The following KATNIP variants were observed in gnomAD, a reference collection of about 807,000 sequenced individuals.
The protein encoded by KATNIP is katanin-interacting protein.
Under a neutral mutation model 174.0 loss-of-function variants are expected in KATNIP, and 126 were observed. The ratio of observed to expected loss-of-function variants is 0.72; its 90% CI spans 0.63 to 0.84. KATNIP has a LOEUF of 0.84. Among genes scored for constraint, KATNIP ranks in the 40% least tolerant of loss-of-function variants. The pLI is 0.00. For synonymous variants in KATNIP, 810 were observed against 835.7 expected, an observed-to-expected ratio of 0.97 and a Z score of 0.53; for missense variants, 1,958 against 2,109.7, an observed-to-expected ratio of 0.93 and a Z score of 1.41.
rs747739365 is a variant in KATNIP, at chr16:27,740,715, A to G, written c.2418A>G (p.Lys806=). ...CTGGAGAGACCGAGGCCAGGGATAAAGGCCTACGGCATGAGCCAGGGTGGG... is the reference window on the plus strand; with the variant it reads ...CTGGAGAGACCGAGGCCAGGGATAAGGGCCTACGGCATGAGCCAGGGTGGG... ...EGPGETEARD[K]GLRHEPGWGT... The change falls in exon 15 of 28, where the codon AAA becomes AAG. Residue 806 remains lysine, a synonymous_variant. Coordinates refer to ENST00000261588, the MANE Select transcript of KATNIP (RefSeq NM_015202.5). The G allele has an allele frequency of 1.2e-6, 2 of 1,614,026 alleles. No individual in the cohort carries two copies. Among genetic ancestry groups the G allele is most frequent in the African/African-American group, 2.7e-5 (2 of 74,928 alleles).
intron 1 of KATNIP, among the ~76,000 whole-genome samples, chr16:27,555,489 C>G (rs1416008428): frequency 4.6e-5 from 7 of 152,162 alleles, no homozygotes; most frequent in Non-Finnish European, 7.4e-5. Context: ...GATAATGAAG[C>G]CTACCTTGTT....
intron 12 of KATNIP, among the ~76,000 whole-genome samples, chr16:27,706,431 A>G (rs1344691586): frequency 6.6e-6 from 1 of 152,150 alleles, no homozygotes; most frequent in Non-Finnish European, 1.5e-5. Flanking sequence ...CAGTTCCCCT[A>G]TGCTTTATGG....
At chr16:27,609,119 T>C (rs2075809262) in intron 2 of KATNIP, among the ~76,000 whole-genome samples, 1 of 152,112 alleles carries the variant, frequency 6.6e-6, no homozygotes, top group South Asian at 2.1e-4. Flanking sequence ...CTCAAATGTG[T>C]CCTCATGGAT....
At chr16:27,759,123 A>G (rs2081850990) in intron 18 of KATNIP, among the ~76,000 whole-genome samples, 2 of 152,224 alleles carry the variant, frequency 1.3e-5, no homozygotes, top group Admixed American at 6.5e-5. Flanking sequence ...AAAAACATTC[A>G]TTGAACATCT....
rs1233976375 is a variant in KATNIP, at chr16:27,749,791, G to C, written c.2831G>C (p.Gly944Ala). Residue 944 changes from glycine to alanine, a missense_variant, in exon 16 of 28, where the codon GGG (glycine) becomes GCG (alanine). Transcript: ENST00000261588. ...AGCGACTTGCCCCCCTCCAAGAAGGGGGAGCAGCCAGGGCTGTCGAGAGGG... is the reference window on the plus strand; with the variant it reads ...AGCGACTTGCCCCCCTCCAAGAAGGCGGAGCAGCCAGGGCTGTCGAGAGGG... ...RHSDLPPSKK[G>A]EQPGLSRGQD... 6.2e-7 allele frequency: 1 copy of C among 1,610,566 alleles called. No homozygotes were observed. Among genetic ancestry groups the C allele is most frequent in the South Asian group, 1.1e-5 (1 of 90,610 alleles).
At chr16:27,552,541 A>AT (rs1179257045) in intron 1 of KATNIP, among the ~76,000 whole-genome samples, 1 of 149,944 alleles carries the variant, frequency 6.7e-6, no homozygotes, top group Admixed American at 6.7e-5. Flanking sequence ...TGCCCAGCTA[A>AT]TTTTTTTTAT....
At chr16:27,763,412 G>A (rs2082016523) in intron 19 of KATNIP, among the ~76,000 whole-genome samples, 1 of 140,210 alleles carries the variant, frequency 7.1e-6, no homozygotes, top group South Asian at 2.3e-4. Flanking sequence ...TTCAAGACCA[G>A]CCTGGGCAAC....
At chr16:27,773,341 T>TAATA (rs1424507816) in intron 23 of KATNIP, 132 bp downstream of exon 23, 5 of 605,700 alleles carry the variant, frequency 8.3e-6, no homozygotes, top group Admixed American at 6.4e-5. Flanking sequence ...GCTTTGCTTA[T>TAATA]AGTCAGATGC....
intron 5 of KATNIP, among the ~76,000 whole-genome samples, chr16:27,634,372 C>G (rs933333708): frequency 1.3e-5 from 2 of 152,180 alleles, no homozygotes; most frequent in African/African-American, 4.8e-5. Flanking sequence ...CTTACGAAGT[C>G]CTTGGGCTAG....
Position 27,730,812 on chromosome 16 carries a change from C to A in KATNIP, c.1743+9117C>A, listed in dbSNP as rs571238288. ...TGATGTACAAACAGGCACCCCCGGC[C>A]AAGTCTGCCCTGCAATGTGTTCGGT... is the stretch of plus-strand genomic sequence containing the variant. On this transcript the variant is annotated intron_variant, in intron 14 of 27. Transcript: ENST00000261588. Among the ~76,000 whole-genome samples, 7 of 152,334 alleles carry A rather than the reference C, an allele frequency of 4.6e-5. No homozygotes were observed. In the South Asian group the frequency reaches 1.4e-3, roughly 32 times the overall value.
intron 8 of KATNIP, among the ~76,000 whole-genome samples, chr16:27,693,445 G>A (rs1325336521): frequency 2.0e-5 from 3 of 152,052 alleles, no homozygotes; most frequent in Non-Finnish European, 4.4e-5. Context: ...CTGGAGTGCC[G>A]TGGCATGATC....
intron 5 of KATNIP, among the ~76,000 whole-genome samples, chr16:27,635,052 C>T (rs974308978): frequency 2.1e-4 from 32 of 152,102 alleles, no homozygotes; most frequent in Non-Finnish European, 4.0e-4. Flanking sequence ...ACGCAGATCC[C>T]GTTCTTCTGT....
chr16:27,697,072 T>C (rs192766611), intron 8 of KATNIP, among the ~76,000 whole-genome samples: 1 of 152,314 alleles, frequency 6.6e-6, no homozygotes, highest in Admixed American at 6.5e-5. Context: ...GGCATTTAGG[T>C]TGATTCCATG....
rs1184958317 is a variant in KATNIP, at chr16:27,721,502, C to CTT, written c.1606-54_1606-53dup. Reference sequence around the variant, plus strand: ...GAGCCAAAGAGCCGCTGCCATTTTACTTTGGGGAGAGGCAGAAATGTGCCT... The same window carrying CTT: ...GAGCCAAAGAGCCGCTGCCATTTTACTTTTTGGGGAGAGGCAGAAATGTGCCT... On this transcript the variant is annotated intron_variant, in intron 13 of 27. Coordinates refer to ENST00000261588, the MANE Select transcript of KATNIP (RefSeq NM_015202.5). 4 of 1,609,466 alleles carry CTT rather than the reference C, an allele frequency of 2.5e-6. No homozygotes were observed. In the African/African-American group the frequency reaches 5.3e-5, roughly 22 times the overall value.
chr16:27,734,683 A>G (rs1215513982), intron 14 of KATNIP, among the ~76,000 whole-genome samples: 1 of 152,074 alleles, frequency 6.6e-6, no homozygotes, highest in Non-Finnish European at 1.5e-5. Context: ...GGTGACAGAG[A>G]GAGACGTCTC....
Position 27,677,855 on chromosome 16 carries a change from G to A in KATNIP, c.667G>A (p.Val223Met), listed in dbSNP as rs181131321. 5.0e-6 allele frequency: 8 copies of A among 1,614,198 alleles called. No individual in the cohort carries two copies. The African/African-American group carries it at 1.1e-4, about 22-fold the overall frequency. ...GCCTGAGCCAGAGGACCCGGCACTGGTGGGCCATCCCAGACATGACCGCCC... is the reference window on the plus strand; with the variant it reads ...GCCTGAGCCAGAGGACCCGGCACTGATGGGCCATCCCAGACATGACCGCCC... The part of the protein sequence containing the change: ...SEPEPEDPAL[V>M]GHPRHDRPPS... Residue 223 changes from valine (V) to methionine (M), a missense_variant, in exon 7 of 28, where the codon GTG becomes ATG. Around this residue, in one of 3 missense-constraint regions of KATNIP, gnomAD observed 1,557 missense variants for 1,617.8 expected, o/e 0.96. Coordinates refer to ENST00000261588, the MANE Select transcript of KATNIP (RefSeq NM_015202.5).
At chr16:27,700,158 C>T (rs530749009) in intron 10 of KATNIP, among the ~76,000 whole-genome samples, 6 of 152,072 alleles carry the variant, frequency 3.9e-5, no homozygotes, top group African/African-American at 9.6e-5. Flanking sequence ...GTGATCCACC[C>T]GCCTCAGCCT....
chr16:27,740,475 C>G lies in KATNIP; in HGVS notation c.2178C>G (p.Val726=). 6.2e-7 allele frequency: 1 copy of G among 1,614,158 alleles called. No individual in the cohort carries two copies. Among genetic ancestry groups the G allele is most frequent in the East Asian group, 2.2e-5 (1 of 44,882 alleles). Residue 726 remains valine, a synonymous_variant, in exon 15 of 28, where the codon GTC becomes GTG. Transcript: ENST00000261588. ...ATSPPVKCPP[V]HEEPSLIQQL... is the part of the protein sequence containing the mutation. ...CCCCACCTGTGAAGTGCCCTCCTGTCCATGAGGAGCCCTCTCTCATCCAAC... is the reference window on the plus strand; with the variant it reads ...CCCCACCTGTGAAGTGCCCTCCTGTGCATGAGGAGCCCTCTCTCATCCAAC...
chr16:27,669,334 C>T (rs1398328532), intron 6 of KATNIP: 4 of 983,908 alleles, frequency 4.1e-6, no homozygotes, highest in South Asian at 9.4e-5. Flanking sequence ...AGTGAGGAGA[C>T]CCATTTGTGT....
Sources: gnomAD v4.1 joint callset for allele counts (sites outside exome capture counted in the v4.1 genomes callset) on GRCh38, gnomAD v4.1.1 for gene constraint, gnomAD v4.1.1 regional missense constraint, MANE v1.5 for transcripts, NCBI Gene and HGNC (gene_info 2026-07-23, HGNC 2026-07-21) for gene names.